The following ZNF644 variants were observed in gnomAD, a reference collection of about 807,000 sequenced individuals.
ZNF644 encodes the protein zinc finger motif enhancer binding protein 2.
A neutral mutation model predicts 108.0 loss-of-function variants in ZNF644; 20 were observed. The ratio of observed to expected loss-of-function variants is 0.19; its 90% CI spans 0.13 to 0.27. The LOEUF is 0.27. ZNF644 is among the 10% of genes least tolerant of loss of function. ZNF644 has a pLI of 1.00. For synonymous variants in ZNF644, 542 were observed against 539.1 expected (o/e 1.01, Z -0.08); for missense variants, 1,338 against 1,548.9 (o/e 0.86, Z 2.29).
At chr1:90,962,771 C>A (rs1654460223) in intron 2 of ZNF644, among the ~76,000 whole-genome samples, 1 of 152,038 alleles carries the variant, frequency 6.6e-6, no homozygotes. Flanking sequence ...AACATGTATT[C>A]ACACTGCCAA....
intron 2 of ZNF644, among the ~76,000 whole-genome samples, chr1:90,948,680 A>C (rs1199361598): frequency 6.6e-6 from 1 of 152,202 alleles, no homozygotes; most frequent in Non-Finnish European, 1.5e-5. Flanking sequence ...AGTCGACTAT[A>C]TTCATCGAAA....
intron 2 of ZNF644, among the ~76,000 whole-genome samples, chr1:90,976,959 C>A (rs1391308525): frequency 1.3e-5 from 2 of 151,672 alleles, no homozygotes; most frequent in Admixed American, 6.6e-5. Context: ...CAGAGAAATC[C>A]ATCACAGAAA....
At chr1:90,993,258 G>A (rs1657813734) in intron 1 of ZNF644, among the ~76,000 whole-genome samples, 1 of 151,578 alleles carries the variant, frequency 6.6e-6, no homozygotes, top group Non-Finnish European at 1.5e-5. Context: ...GAATGGGAGG[G>A]TATCCCAGAC....
intron 1 of ZNF644, among the ~76,000 whole-genome samples, chr1:90,983,673 T>G (rs766231715): frequency 1.7e-3 from 260 of 152,192 alleles, no homozygotes; most frequent in Admixed American, 4.4e-3. Context: ...ACACCTGTAA[T>G]CCCAGCACTT....
At chr1:90,999,023 T>C (rs762957986) in intron 1 of ZNF644, among the ~76,000 whole-genome samples, 7 of 152,140 alleles carry the variant, frequency 4.6e-5, no homozygotes, top group Non-Finnish European at 2.9e-5. Flanking sequence ...AACAAAGCCT[T>C]CAGGAAATAT....
chr1:90,946,008 C>T (rs186475119), intron 2 of ZNF644, among the ~76,000 whole-genome samples: 158 of 152,032 alleles, frequency 1.0e-3, no homozygotes, highest in African/African-American at 3.8e-3. Flanking sequence ...TTTCACAAAC[C>T]CTATGTTCAT....
chr1:91,014,401 A>G (rs767111127), intron 1 of ZNF644, among the ~76,000 whole-genome samples: 1 of 152,152 alleles, frequency 6.6e-6, no homozygotes. Context: ...TCCCTTTAAG[A>G]TTTTTAACAA....
chr1:90,939,069 T>C lies in ZNF644; in HGVS notation c.2285A>G (p.Lys762Arg), dbSNP rs1183977920. The C allele has an allele frequency of 1.2e-6, 2 of 1,614,074 alleles. No individual in the cohort carries two copies. The highest frequency in any genetic ancestry group is 8.5e-7 in the Non-Finnish European group (1 of 1,179,926). ...ATTTAATGAACTAGCTTCTTCTTTTTTGAAATGCACAGGATATGATTCACC... is the reference window on the plus strand; with the variant it reads ...ATTTAATGAACTAGCTTCTTCTTTTCTGAAATGCACAGGATATGATTCACC... Reference protein sequence around the residue: ...KSGESYPVHFKKEEASSLNSL... With the variant: ...KSGESYPVHFRKEEASSLNSL... The change falls in exon 3 of 6, where the codon AAA (lysine) becomes AGA (arginine). Residue 762 changes from lysine (K) to arginine (R), a missense_variant. Lys to Arg is a conservative substitution (Grantham distance 26). Transcript: ENST00000337393.
chr1:90,936,302 A>C (rs932571734), intron 4 of ZNF644, among the ~76,000 whole-genome samples: 1 of 152,162 alleles, frequency 6.6e-6, no homozygotes, highest in African/African-American at 2.4e-5. Flanking sequence ...TATGCTTTCC[A>C]TCTCTGAAGT....
intron 4 of ZNF644, among the ~76,000 whole-genome samples, chr1:90,928,097 C>T (rs997752647): frequency 1.3e-5 from 2 of 151,946 alleles, no homozygotes; most frequent in Admixed American, 6.6e-5. Flanking sequence ...CCGCCTGCCT[C>T]GGCCTCCCAA....
At chr1:90,985,301 TA>T (rs1274161830) in intron 1 of ZNF644, among the ~76,000 whole-genome samples, 1 of 152,216 alleles carries the variant, frequency 6.6e-6, no homozygotes, top group African/African-American at 2.4e-5. Flanking sequence ...ACCTCACACT[TA>T]TTTTTTTGTG....
intron 1 of ZNF644, among the ~76,000 whole-genome samples, chr1:90,992,285 T>C (rs1453737339): frequency 6.6e-6 from 1 of 152,004 alleles, no homozygotes; most frequent in Non-Finnish European, 1.5e-5. Flanking sequence ...AATATGTCAA[T>C]TATACTTCAA....
Position 90,953,047 on chromosome 1 carries a change from A to G in ZNF644, c.45-11738T>C, listed in dbSNP as rs150476496. Among the ~76,000 whole-genome samples the G allele has an allele frequency of 3.3e-3, 507 of 151,484 alleles. 1 individual carries two copies. The highest frequency in any genetic ancestry group is 5.8e-3 in the Non-Finnish European group (394 of 67,888). The stretch of plus-strand genomic sequence containing the variant: ...AAAAAAAAAGCAGCTCCCGATGTCC[A>G]AGAGCTAATCTCATGCTATCAGACT... On this transcript the variant is annotated intron_variant, in intron 2 of 5. Transcript: ENST00000337393.
rs547756871 is a variant in ZNF644, at chr1:90,926,851, A to G, written c.3689-8697T>C. Among the ~76,000 whole-genome samples the G allele has an allele frequency of 7.4e-4, 113 of 152,260 alleles. 1 individual carries two copies. The highest frequency in any genetic ancestry group is 2.0e-3 in the African/African-American group (85 of 41,566). On this transcript the variant is annotated intron_variant, in intron 4 of 5. Transcript: ENST00000337393. Reference sequence around the variant, plus strand: ...CCTGCAATTTTTCCTCCTCTCTGCCAAATCCTTTATTTAAAAAGCAATTTC... The same window carrying G: ...CCTGCAATTTTTCCTCCTCTCTGCCGAATCCTTTATTTAAAAAGCAATTTC...
At chr1:90,974,711 T>C (rs1294224898) in intron 2 of ZNF644, among the ~76,000 whole-genome samples, 1 of 152,196 alleles carries the variant, frequency 6.6e-6, no homozygotes, top group South Asian at 2.1e-4. Flanking sequence ...ATGCTCCCCA[T>C]ACTAACTAGT....
intron 1 of ZNF644, among the ~76,000 whole-genome samples, chr1:90,993,734 C>T (rs1570530007): frequency 6.6e-6 from 1 of 152,190 alleles, no homozygotes; most frequent in Admixed American, 6.5e-5. Flanking sequence ...CTCAGAGACA[C>T]ATAAACTGAC....
At chr1:90,954,943 A>AGAGG (rs1407967276) in intron 2 of ZNF644, among the ~76,000 whole-genome samples, 2 of 152,254 alleles carry the variant, frequency 1.3e-5, no homozygotes, top group Admixed American at 1.3e-4. Context: ...CAGATCCATC[A>AGAGG]GAGGAATCAC....
At chr1:90,957,847 A>G in intron 2 of ZNF644, among the ~76,000 whole-genome samples, 1 of 152,218 alleles carries the variant, frequency 6.6e-6, no homozygotes, top group East Asian at 1.9e-4. Flanking sequence ...CTATTTGTGA[A>G]TGACATAATT....
intron 4 of ZNF644, among the ~76,000 whole-genome samples, chr1:90,925,750 C>T (rs1649959422): frequency 6.6e-6 from 1 of 152,028 alleles, no homozygotes; most frequent in African/African-American, 2.4e-5. Flanking sequence ...AAAAAACAAG[C>T]ATCATAAAAT....
Sources: gnomAD v4.1 joint callset for allele counts (sites outside exome capture counted in the v4.1 genomes callset) on GRCh38, gnomAD v4.1.1 for gene constraint, MANE v1.5 for transcripts, NCBI Gene and HGNC (gene_info 2026-07-23, HGNC 2026-07-21) for gene names.